RCAN1: variants seen among roughly 807,000 people sequenced by gnomAD.
The protein encoded by RCAN1 is calcipressin-1.
A neutral mutation model predicts 22.9 loss-of-function variants in RCAN1; 11 were observed. The ratio of observed to expected loss-of-function variants is 0.48; its 90% confidence interval spans 0.30 to 0.79. The LOEUF (loss-of-function observed/expected upper bound fraction) is 0.79, where lower values mean the gene tolerates loss of function less well. Among genes scored for constraint, RCAN1 ranks in the 30% least tolerant of loss-of-function variants. The probability of loss-of-function intolerance (pLI) is 0.06; values close to 1 mark genes in which losing one functional copy is unlikely to be tolerated. For missense variants in RCAN1, 291 were observed against 337.8 expected, an observed-to-expected ratio of 0.86 and a Z score of 1.09; for synonymous variants, 136 against 142.3, an observed-to-expected ratio of 0.96 and a Z score of 0.32.
intron 1 of RCAN1, chr21:34,559,821 TC>T (rs1986722065): frequency 6.6e-6 from 1 of 152,160 alleles, no homozygotes; most frequent in Non-Finnish European, 1.5e-5. Flanking sequence ...GTCAGGCAGC[TC>T]ACAATCGCCA....
chr21:34,574,672 C>T (rs1987350194), intron 1 of RCAN1, among the ~76,000 whole-genome samples: 1 of 152,214 alleles, frequency 6.6e-6, no homozygotes, highest in Non-Finnish European at 1.5e-5. Context: ...ATAAAAATGC[C>T]ATTCAAGAAA....
At chr21:34,609,994 T>G (rs531902233) in intron 1 of RCAN1, among the ~76,000 whole-genome samples, 1 of 152,336 alleles carries the variant, frequency 6.6e-6, no homozygotes, top group East Asian at 1.9e-4. Flanking sequence ...GGGGAAATTT[T>G]ATTCAGAATT....
chr21:34,525,898 A>AT lies in RCAN1; in HGVS notation c.253-2189dup, dbSNP rs200172757. On this transcript the variant is annotated intron_variant, in intron 1 of 3. Coordinates refer to ENST00000313806, the MANE Select transcript of RCAN1 (RefSeq NM_004414.7). ...ATATACAATTATGGAGTTACATTTGATTTTTTTTAAAAAAAGAAACCTTCG... is the reference window on the plus strand; with the variant it reads ...ATATACAATTATGGAGTTACATTTGATTTTTTTTTAAAAAAAGAAACCTTCG... 4.2e-3 allele frequency among the ~76,000 whole-genome samples: 630 copies of AT among 150,756 alleles called. 10 individuals are homozygous for AT. Among genetic ancestry groups the AT allele is most frequent in the African/African-American group, 0.014 (560 of 40,170 alleles).
At chr21:34,523,759 G>C in intron 1 of RCAN1, 49 bp from the exon 2 acceptor site, 1 of 1,457,294 alleles carries the variant, frequency 6.9e-7, no homozygotes, top group East Asian at 2.3e-5. Context: ...ACCTGCATAT[G>C]ACCCTTGACT....
At chr21:34,571,655 G>A (rs944721927) in intron 1 of RCAN1, among the ~76,000 whole-genome samples, 2 of 152,038 alleles carry the variant, frequency 1.3e-5, no homozygotes, top group African/African-American at 4.8e-5. Flanking sequence ...TCCCAGGCTC[G>A]GGTGATCCTC....
At chr21:34,520,388 TG>T (rs932092738) in intron 3 of RCAN1, among the ~76,000 whole-genome samples, 97 of 152,226 alleles carry the variant, frequency 6.4e-4, no homozygotes, top group African/African-American at 2.1e-3. Flanking sequence ...GGAGCTGCTG[TG>T]GGGGGAGCAC....
intron 1 of RCAN1, among the ~76,000 whole-genome samples, chr21:34,572,672 AG>A (rs1042704347): frequency 6.6e-6 from 1 of 152,204 alleles, no homozygotes; most frequent in Non-Finnish European, 1.5e-5. Context: ...TGGCTGTATT[AG>A]TCCGGTCTCA....
At chr21:34,579,831 G>A (rs1279722068) in intron 1 of RCAN1, among the ~76,000 whole-genome samples, 5 of 152,176 alleles carry the variant, frequency 3.3e-5, no homozygotes, top group African/African-American at 1.2e-4. Flanking sequence ...AGAGGAGAGC[G>A]ACAGGTTGGC....
At chr21:34,523,855 T>C (rs1984802578) in intron 1 of RCAN1, 145 bp from the exon 2 acceptor site, 1 of 572,610 alleles carries the variant, frequency 1.7e-6, no homozygotes, top group Non-Finnish European at 3.0e-6. Context: ...CAGTTTTGGC[T>C]CACTGCAACC....
At position 34,532,461 on chromosome 21, in the gene RCAN1, C is replaced by T. The variant is rs183476767; in HGVS notation, c.253-8751G>A. Among the ~76,000 whole-genome samples the T allele has an allele frequency of 5.9e-5, 9 of 152,374 alleles. No individual in the cohort carries two copies. The East Asian group carries it at 1.3e-3, about 23-fold the overall frequency. On this transcript the variant is annotated intron_variant, in intron 1 of 3. Transcript: ENST00000313806. ...CGTGCTCACTTCAGTAGGTGACCACCTATGTGATGACACCCTGGTTCTAAA... is the reference window on the plus strand; with the variant it reads ...CGTGCTCACTTCAGTAGGTGACCACTTATGTGATGACACCCTGGTTCTAAA...
At chr21:34,596,358 G>A (rs901188573) in intron 1 of RCAN1, among the ~76,000 whole-genome samples, 1 of 152,194 alleles carries the variant, frequency 6.6e-6, no homozygotes, top group African/African-American at 2.4e-5. Flanking sequence ...GGAAGGCTGA[G>A]GAGACCCACA....
Position 34,526,643 on chromosome 21 carries a change from C to G in RCAN1, c.253-2933G>C, listed in dbSNP as rs78148269. The G allele has an allele frequency of 3.4e-3, 5,393 of 1,605,870 alleles. 164 individuals are homozygous for G. In the African/African-American group the frequency reaches 0.063, roughly 19 times the overall value. On this transcript the variant is annotated intron_variant, in intron 1 of 3. Coordinates refer to ENST00000313806, the MANE Select transcript of RCAN1 (RefSeq NM_004414.7). ...ATGCTTTGAAAACTAAAGAAAATCA[C>G]GTTATATTAGAAGCCTTACCCTGGT...
intron 1 of RCAN1, chr21:34,525,313 C>A: frequency 6.5e-7 from 1 of 1,534,428 alleles, no homozygotes; most frequent in Non-Finnish European, 8.8e-7. Flanking sequence ...CTTGCATTCC[C>A]CGGCTTTTCT....
chr21:34,565,767 C>T (rs949800228), intron 1 of RCAN1, among the ~76,000 whole-genome samples: 12 of 152,192 alleles, frequency 7.9e-5, no homozygotes, highest in African/African-American at 2.7e-4. Context: ...TCTATGTGTG[C>T]TCGGCAAAAT....
chr21:34,584,289 C>T (rs1449054995), intron 1 of RCAN1, among the ~76,000 whole-genome samples: 14 of 152,292 alleles, frequency 9.2e-5, no homozygotes, highest in Non-Finnish European at 1.9e-4. Flanking sequence ...GCCAAACTGT[C>T]TCATTCAGAA....
chr21:34,528,685 T>C (rs1985209848), intron 1 of RCAN1, among the ~76,000 whole-genome samples: 1 of 152,216 alleles, frequency 6.6e-6, no homozygotes, highest in African/African-American at 2.4e-5. Flanking sequence ...GGAACTTCTC[T>C]GATGTTCCCT....
chr21:34,546,687 C>A (rs1385740532), intron 1 of RCAN1, among the ~76,000 whole-genome samples: 3 of 152,168 alleles, frequency 2.0e-5, no homozygotes, highest in Non-Finnish European at 4.4e-5. Context: ...TCAGAAGACG[C>A]AAACAACATC....
At position 34,521,570 on chromosome 21, in the gene RCAN1, C is replaced by T. The variant is rs1392393001; in HGVS notation, c.515G>A (p.Trp172Ter). 6.2e-7 allele frequency: 1 copy of T among 1,614,210 alleles called. No individual in the cohort carries two copies. The highest frequency in any genetic ancestry group is 1.3e-5 in the African/African-American group (1 of 75,062). ...TGGGGTCGCATCTTCCACTTGTTTC[C>T]ATCCCACTGGCGGAGAGGCGGGAGG... ...ISPPASPPVG[W>*]KQVEDATPVI... Residue 172 changes from tryptophan to a stop codon, truncating the protein, a stop_gained, in exon 3 of 4, where the codon TGG (tryptophan) becomes TAG (stop). Transcript: ENST00000313806. LOFTEE classifies it high-confidence loss of function.
chr21:34,564,782 T>C (rs915812884), intron 1 of RCAN1, among the ~76,000 whole-genome samples: 10 of 152,132 alleles, frequency 6.6e-5, no homozygotes, highest in African/African-American at 9.7e-5. Flanking sequence ...TCATCTAAGA[T>C]AGTGCTACCC....
Sources: allele counts gnomAD v4.1 joint callset (sites outside exome capture counted in the v4.1 genomes callset), GRCh38; gene constraint gnomAD v4.1.1; transcripts MANE v1.5; gene names NCBI Gene and HGNC (gene_info 2026-07-23, HGNC 2026-07-21).